The following FRAS1 variants were observed in gnomAD, a reference collection of about 807,000 sequenced individuals.
The protein encoded by FRAS1 is Fraser extracellular matrix complex subunit 1.
FRAS1 carries 290 observed loss-of-function variants against 435.2 expected under a neutral mutation model. The observed-to-expected ratio is 0.67, with a 90% CI of 0.61 to 0.73. FRAS1 has a LOEUF of 0.73. FRAS1 is among the 30% of genes least tolerant of loss of function. The probability of loss-of-function intolerance (pLI) is 0.00; values close to 1 mark genes in which losing one functional copy is unlikely to be tolerated. For missense variants in FRAS1, 4,860 were observed against 5,001.5 expected, an observed-to-expected ratio of 0.97 and a Z score of 0.85; for synonymous variants, 1,800 against 1,851.0, an observed-to-expected ratio of 0.97 and a Z score of 0.71.
intron 2 of FRAS1, among the ~76,000 whole-genome samples, chr4:78,170,214 G>A (rs910980248): frequency 8.5e-5 from 13 of 152,080 alleles, no homozygotes; most frequent in Middle Eastern, 3.4e-3. Flanking sequence ...TTATTTGTAC[G>A]TTTGTTTACT....
chr4:78,153,376 T>C (rs182330813), intron 2 of FRAS1, among the ~76,000 whole-genome samples: 96 of 152,294 alleles, frequency 6.3e-4, no homozygotes, highest in African/African-American at 2.3e-3. Context: ...TGGAATTGAA[T>C]TGAAATTTGT....
intron 58 of FRAS1, among the ~76,000 whole-genome samples, chr4:78,484,520 T>C (rs1578351906): frequency 6.6e-6 from 1 of 152,194 alleles, no homozygotes; most frequent in South Asian, 2.1e-4. Flanking sequence ...TTTAGTGTTG[T>C]ATCTAAGAAA....
At chr4:78,130,456 G>A (rs1719630421) in intron 2 of FRAS1, among the ~76,000 whole-genome samples, 1 of 152,140 alleles carries the variant, frequency 6.6e-6, no homozygotes, top group Non-Finnish European at 1.5e-5. Context: ...GATATTAATT[G>A]AGTCTAGTCA....
rs574799399 is a variant in FRAS1 at position 78,437,768 on chromosome 4, C to T, written c.5218-802C>T. 6.6e-5 allele frequency among the ~76,000 whole-genome samples: 10 copies of T among 152,324 alleles called. No individual in the cohort carries two copies. The South Asian group carries it at 1.7e-3, about 25-fold the overall frequency. ...AGAGTGCCCCCATTTTCACAATCAA[C>T]AGCCCTAAAAAATGAATGACTCAGG... On this transcript the variant is annotated intron_variant, in intron 38 of 73. Coordinates refer to ENST00000512123, the MANE Select transcript of FRAS1 (RefSeq NM_025074.7).
At chr4:78,530,319 A>G (rs913570450) in intron 70 of FRAS1, among the ~76,000 whole-genome samples, 5 of 152,056 alleles carry the variant, frequency 3.3e-5, no homozygotes, top group Non-Finnish European at 7.4e-5. Flanking sequence ...TGGCAGAGGA[A>G]GAATGTTGCT....
intron 2 of FRAS1, among the ~76,000 whole-genome samples, chr4:78,231,849 A>G (rs934655936): frequency 2.0e-5 from 3 of 152,064 alleles, no homozygotes; most frequent in Non-Finnish European, 4.4e-5. Flanking sequence ...TTGCAAGAAC[A>G]TTTTATTCAT....
At chr4:78,224,607 A>G (rs990680520) in intron 2 of FRAS1, among the ~76,000 whole-genome samples, 1 of 152,006 alleles carries the variant, frequency 6.6e-6, no homozygotes, top group African/African-American at 2.4e-5. Context: ...ATCATGGCTC[A>G]CTGCAGCCTC....
At chr4:78,126,183 C>A (rs1348317005) in intron 2 of FRAS1, among the ~76,000 whole-genome samples, 2 of 152,040 alleles carry the variant, frequency 1.3e-5, no homozygotes, top group East Asian at 3.9e-4. Context: ...GAGCAAGGCT[C>A]CGTGAGCATG....
intron 19 of FRAS1, among the ~76,000 whole-genome samples, chr4:78,335,043 A>G (rs445869): frequency 0.096 from 14,578 of 152,082 alleles, 2,099 homozygotes; most frequent in African/African-American, 0.31. Context: ...TACAGGTGTG[A>G]GTCACTGTAT....
chr4:78,270,126 G>C lies in FRAS1; in HGVS notation c.981+2694G>C, dbSNP rs563400568. On this transcript the variant is annotated intron_variant, in intron 9 of 73. Transcript: ENST00000512123. Reference sequence around the variant, plus strand: ...AGTCAAAAGTCAAATACTAATTGGAGTGAACTCCCCACTGCAGTGAACTGA... The same window carrying C: ...AGTCAAAAGTCAAATACTAATTGGACTGAACTCCCCACTGCAGTGAACTGA... Among the ~76,000 whole-genome samples the C allele has an allele frequency of 2.4e-4, 37 of 152,310 alleles. No individual in the cohort carries two copies. In the South Asian group the frequency reaches 7.5e-3, roughly 31 times the overall value.
At chr4:78,334,433 C>T (rs563055448) in intron 19 of FRAS1, among the ~76,000 whole-genome samples, 4 of 136,090 alleles carry the variant, frequency 2.9e-5, no homozygotes, top group Non-Finnish European at 6.1e-5. Context: ...TGCAGTGGCA[C>T]GATCTCAGCT....
In FRAS1 at chr4:78,511,367, A is replaced by G; in HGVS notation, c.9874A>G (p.Ser3292Gly). The G allele has an allele frequency of 6.2e-7, 1 of 1,613,912 alleles. No homozygotes were observed. The highest frequency in any genetic ancestry group is 1.7e-5 in the Admixed American group (1 of 60,022). ...KVGHVGTPLR[S>G]NIVTIGTDSA... ...GGGCCATGTGGGGACCCCCTTAAGGAGCAACATTGTTACCATTGGAACAGA... is the reference window on the plus strand; with the variant it reads ...GGGCCATGTGGGGACCCCCTTAAGGGGCAACATTGTTACCATTGGAACAGA... Residue 3292 changes from serine to glycine, a missense_variant, in exon 64 of 74, where the codon AGC becomes GGC. Ser to Gly is a moderately conservative substitution (Grantham distance 56). Coordinates refer to ENST00000512123, the MANE Select transcript of FRAS1 (RefSeq NM_025074.7).
chr4:78,177,997 C>T (rs1721846106), intron 2 of FRAS1, among the ~76,000 whole-genome samples: 1 of 152,140 alleles, frequency 6.6e-6, no homozygotes, highest in African/African-American at 2.4e-5. Flanking sequence ...TTTTTTCTGT[C>T]TCTGGAGGCC....
intron 38 of FRAS1, among the ~76,000 whole-genome samples, chr4:78,437,396 A>G (rs1734472003): frequency 6.6e-6 from 1 of 152,244 alleles, no homozygotes; most frequent in Non-Finnish European, 1.5e-5. Context: ...GTTGTATTTG[A>G]TAATCCAAGT....
Position 78,507,498 on chromosome 4 carries a change from C to G in FRAS1, c.9394C>G (p.Leu3132Val). The G allele has an allele frequency of 6.2e-7, 1 of 1,612,672 alleles. No individual in the cohort carries two copies. Among genetic ancestry groups the G allele is most frequent in the Non-Finnish European group, 8.5e-7 (1 of 1,179,378 alleles). Reference sequence around the variant, plus strand: ...ATGGCATGAATCTTTCTCACTAGTCCTTGGCCCAGATGACCCAGTGGAAGC... The same window carrying G: ...ATGGCATGAATCTTTCTCACTAGTCGTTGGCCCAGATGACCCAGTGGAAGC... ...REWHESFSLV[L>V]GPDDPVEAVL... The change falls in exon 62 of 74, where the codon CTT (leucine) becomes GTT (valine). Residue 3132 changes from leucine (L) to valine (V), a missense_variant. Physicochemically the swap from Leu to Val is conservative, Grantham distance 32. Coordinates refer to ENST00000512123, the MANE Select transcript of FRAS1 (RefSeq NM_025074.7).
chr4:78,387,576 C>T lies in FRAS1; in HGVS notation c.3850C>T (p.Leu1284Phe). The change falls in exon 29 of 74, where the codon CTC (leucine) becomes TTC (phenylalanine). Residue 1284 changes from leucine to phenylalanine, a missense_variant. Leu to Phe is a conservative substitution (Grantham distance 22). Transcript: ENST00000512123. Reference protein sequence around the residue: ...TPIYQFQLDELSRGLLHYAHD... With the variant: ...TPIYQFQLDEFSRGLLHYAHD... ...TATCTATCAATTCCAGCTGGATGAACTCTCTAGAGGCCTTCTCCACTATGC... is the reference window on the plus strand; with the variant it reads ...TATCTATCAATTCCAGCTGGATGAATTCTCTAGAGGCCTTCTCCACTATGC... 1 of 1,613,852 alleles carries T rather than the reference C, an allele frequency of 6.2e-7. No individual in the cohort carries two copies.
chr4:78,484,946 T>C (rs1255981587), intron 58 of FRAS1, among the ~76,000 whole-genome samples: 1 of 152,234 alleles, frequency 6.6e-6, no homozygotes, highest in African/African-American at 2.4e-5. Flanking sequence ...AAGAGGAAGA[T>C]AAAACAGAAA....
chr4:78,340,323 T>A (rs912186285), intron 20 of FRAS1, among the ~76,000 whole-genome samples: 1 of 152,232 alleles, frequency 6.6e-6, no homozygotes, highest in African/African-American at 2.4e-5. Context: ...TTAGAAATCA[T>A]TTATTGATTA....
At chr4:78,317,286 C>G (rs1729304767) in intron 16 of FRAS1, 82 bp from the exon 17 acceptor site, 2 of 1,518,374 alleles carry the variant, frequency 1.3e-6, no homozygotes, top group Admixed American at 1.7e-5. Flanking sequence ...CTAAGAGTCC[C>G]AGGCCCGTGA....
Sources: allele counts gnomAD v4.1 joint callset (sites outside exome capture counted in the v4.1 genomes callset), GRCh38; gene constraint gnomAD v4.1.1; transcripts MANE v1.5; gene names NCBI Gene and HGNC (gene_info 2026-07-23, HGNC 2026-07-21).